PLD5: variants seen among roughly 807,000 people sequenced by gnomAD.
PLD5 encodes inactive phospholipase D5.
Under a neutral mutation model 61.1 loss-of-function variants are expected in PLD5, and 36 were observed. The ratio of observed to expected loss-of-function variants is 0.59; its 90% CI spans 0.45 to 0.78. The LOEUF is 0.78. Among genes scored for constraint, PLD5 ranks in the 30% least tolerant of loss-of-function variants. PLD5 has a pLI of 0.00. For missense variants in PLD5, 515 were observed against 644.4 expected (o/e 0.80, Z 2.17); for synonymous variants, 243 against 242.8 (o/e 1.00, Z -0.01).
intron 3 of PLD5, among the ~76,000 whole-genome samples, chr1:242,278,218 A>G (rs372210697): frequency 1.0e-3 from 155 of 152,322 alleles, no homozygotes; most frequent in African/African-American, 3.5e-3. Context: ...AAAAATGGTC[A>G]TAGAAAAATA....
intron 1 of PLD5, among the ~76,000 whole-genome samples, chr1:242,490,943 C>T (rs1181954194): frequency 2.0e-5 from 3 of 152,166 alleles, no homozygotes; most frequent in Admixed American, 6.5e-5. Context: ...AATAACAAGG[C>T]TTAGCAGGAG....
intron 1 of PLD5, among the ~76,000 whole-genome samples, chr1:242,373,097 G>GA (rs1661733053): frequency 6.6e-6 from 1 of 151,976 alleles, no homozygotes; most frequent in Admixed American, 6.6e-5. Flanking sequence ...AAATTTACAA[G>GA]AAAAAAACAA....
intron 3 of PLD5, among the ~76,000 whole-genome samples, chr1:242,270,322 C>T (rs1405159831): frequency 6.6e-6 from 1 of 151,260 alleles, no homozygotes; most frequent in Non-Finnish European, 1.5e-5. Context: ...CTGAGAAGGC[C>T]GTAGCTGGAA....
chr1:242,506,092 A>G (rs1452546139), intron 1 of PLD5, among the ~76,000 whole-genome samples: 1 of 152,146 alleles, frequency 6.6e-6, no homozygotes, highest in Non-Finnish European at 1.5e-5. Flanking sequence ...TTGCCAAACA[A>G]CCAGTAAGTG....
chr1:242,446,476 C>A (rs1425778788), intron 1 of PLD5, among the ~76,000 whole-genome samples: 2 of 152,134 alleles, frequency 1.3e-5, no homozygotes, highest in Non-Finnish European at 2.9e-5. Context: ...GAGGCTGAGA[C>A]ATGAGAATCA....
At chr1:242,209,584 C>T (rs1440996924) in intron 5 of PLD5, among the ~76,000 whole-genome samples, 2 of 152,212 alleles carry the variant, frequency 1.3e-5, no homozygotes, top group Non-Finnish European at 2.9e-5. Flanking sequence ...GGCAACAGCA[C>T]AACCTGCACC....
In PLD5 at chr1:242,463,386, GA is replaced by G. The variant is rs550139789; in HGVS notation, c.189+60701del. Among the ~76,000 whole-genome samples, 3 of 152,258 alleles carry G rather than the reference GA, an allele frequency of 2.0e-5. No homozygotes were observed. In the East Asian group the frequency reaches 5.8e-4, roughly 29 times the overall value. ...ACTGGTGCAGCCCAGCAAGACTAGG[GA>G]AAAACAAACTCCAAATTCATGCTGC... On this transcript the variant is annotated intron_variant, in intron 1 of 9. Transcript: ENST00000536534.
At chr1:242,391,265 G>A (rs1324846428) in intron 1 of PLD5, among the ~76,000 whole-genome samples, 1 of 152,186 alleles carries the variant, frequency 6.6e-6, no homozygotes. Context: ...AAGCTATGGA[G>A]GAGGGTCTGG....
chr1:242,292,879 G>T (rs1420047915), intron 2 of PLD5, among the ~76,000 whole-genome samples: 4 of 151,766 alleles, frequency 2.6e-5, no homozygotes, highest in Admixed American at 6.6e-5. Flanking sequence ...AAAATATTCT[G>T]CTCACTTTAA....
chr1:242,103,703 C>A (rs1660849770), intron 8 of PLD5, among the ~76,000 whole-genome samples: 1 of 152,204 alleles, frequency 6.6e-6, no homozygotes, highest in African/African-American at 2.4e-5. Context: ...TGATCCAACT[C>A]CTGGTTGTTT....
chr1:242,208,353 C>G (rs766994906), intron 5 of PLD5, among the ~76,000 whole-genome samples: 1 of 152,026 alleles, frequency 6.6e-6, no homozygotes, highest in Non-Finnish European at 1.5e-5. Context: ...ATAGCTGACA[C>G]CACTCATTTA....
chr1:242,278,605 A>G (rs73140773), intron 3 of PLD5, among the ~76,000 whole-genome samples: 2,915 of 152,218 alleles, frequency 0.019, 84 homozygotes, highest in African/African-American at 0.063. Context: ...AGCAGAGGTA[A>G]TCCTGCATGA....
At chr1:242,366,047 C>G (rs1335484721) in intron 1 of PLD5, among the ~76,000 whole-genome samples, 1 of 152,136 alleles carries the variant, frequency 6.6e-6, no homozygotes. Flanking sequence ...TTCAAGATAT[C>G]CCACCATATA....
chr1:242,446,258 AAAT>A (rs1285513978), intron 1 of PLD5, among the ~76,000 whole-genome samples: 1 of 151,124 alleles, frequency 6.6e-6, no homozygotes, highest in African/African-American at 2.4e-5. Flanking sequence ...AAATAAAATA[AAAT>A]AATAATAAAA....
rs111431895 is a variant in PLD5 at position 242,495,201 on chromosome 1, A to G, written c.189+28887T>C. On this transcript the variant is annotated intron_variant, in intron 1 of 9. Coordinates refer to ENST00000536534, the MANE Select transcript of PLD5 (RefSeq NM_001372062.1). ...AATGCCTTCATTGTCTAATTGACAAAGTCCTCTCCAATCTCCCCCAACCAG... is the reference window on the plus strand; with the variant it reads ...AATGCCTTCATTGTCTAATTGACAAGGTCCTCTCCAATCTCCCCCAACCAG... Among the ~76,000 whole-genome samples the G allele has an allele frequency of 9.4e-3, 1,437 of 152,206 alleles. 26 individuals carry two copies. Among genetic ancestry groups the G allele is most frequent in the African/African-American group, 0.033 (1,365 of 41,530 alleles).
intron 5 of PLD5, chr1:242,188,726 A>T (rs1668060114): frequency 6.6e-6 from 1 of 152,226 alleles, no homozygotes; most frequent in Admixed American, 6.5e-5. Context: ...GCAGCTACTC[A>T]TACACCCTTG....
At chr1:242,165,643 A>ATAATT (rs1423885410) in intron 5 of PLD5, among the ~76,000 whole-genome samples, 1 of 152,230 alleles carries the variant, frequency 6.6e-6, no homozygotes, top group Non-Finnish European at 1.5e-5. Context: ...GTAAATTCTT[A>ATAATT]TAATTTTATG....
intron 4 of PLD5, among the ~76,000 whole-genome samples, chr1:242,255,626 A>T (rs1672972743): frequency 6.6e-6 from 1 of 152,256 alleles, no homozygotes. Flanking sequence ...TTCTATGCTC[A>T]GATTTAGGAA....
intron 1 of PLD5, among the ~76,000 whole-genome samples, chr1:242,428,130 C>T (rs1433402296): frequency 1.3e-5 from 2 of 152,206 alleles, no homozygotes; most frequent in Non-Finnish European, 2.9e-5. Flanking sequence ...TGAATTCTAA[C>T]AGACTGTTAG....
Sources: allele counts gnomAD v4.1 joint callset (sites outside exome capture counted in the v4.1 genomes callset), GRCh38; gene constraint gnomAD v4.1.1; transcripts MANE v1.5; gene names NCBI Gene and HGNC (gene_info 2026-07-23, HGNC 2026-07-21).